COL22A1: variants seen among roughly 807,000 people sequenced by gnomAD.
COL22A1 encodes collagen alpha-1(XXII) chain.
Under a neutral mutation model 248.9 loss-of-function variants are expected in COL22A1, and 221 were observed. That is an observed-to-expected ratio of 0.89 (90% CI 0.80 to 0.99). The LOEUF is 0.99. COL22A1 is among the 50% of genes least tolerant of loss of function. COL22A1 has a pLI of 0.00. For missense variants in COL22A1, 2,240 were observed against 2,179.0 expected, an observed-to-expected ratio of 1.03 and a Z score of -0.56; for synonymous variants, 891 against 793.4, an observed-to-expected ratio of 1.12 and a Z score of -2.07.
At chr8:138,836,771 CCAGT>C (rs1378439216) in intron 4 of COL22A1, among the ~76,000 whole-genome samples, 1 of 152,126 alleles carries the variant, frequency 6.6e-6, no homozygotes, top group Non-Finnish European at 1.5e-5. Context: ...GGGAAGAGTC[CCAGT>C]CAAACTGCAT....
intron 32 of COL22A1, among the ~76,000 whole-genome samples, chr8:138,697,966 T>C (rs1216760927): frequency 1.3e-5 from 2 of 152,170 alleles, no homozygotes; most frequent in African/African-American, 4.8e-5. Context: ...CCCGCAGCAA[T>C]GCAGAGCCTG....
chr8:138,779,196 A>G (rs1477441354), intron 14 of COL22A1, among the ~76,000 whole-genome samples: 1 of 152,238 alleles, frequency 6.6e-6, no homozygotes, highest in African/African-American at 2.4e-5. Flanking sequence ...CAATATATCC[A>G]TGTATGATTG....
At chr8:138,609,353 A>G (rs1818679351) in intron 56 of COL22A1, among the ~76,000 whole-genome samples, 1 of 152,182 alleles carries the variant, frequency 6.6e-6, no homozygotes, top group Non-Finnish European at 1.5e-5. Context: ...CTTATGGGTC[A>G]GCGATCATAA....
intron 22 of COL22A1, among the ~76,000 whole-genome samples, chr8:138,744,943 T>G (rs1283880182): frequency 2.6e-5 from 4 of 152,148 alleles, no homozygotes; most frequent in Non-Finnish European, 5.9e-5. Flanking sequence ...CCTCATCTAT[T>G]GATGACAGGG....
intron 18 of COL22A1, among the ~76,000 whole-genome samples, chr8:138,759,784 C>G (rs1366269121): frequency 1.3e-5 from 2 of 151,978 alleles, no homozygotes; most frequent in African/African-American, 4.8e-5. Context: ...TTTCAAATAC[C>G]TAGGGCATTT....
intron 3 of COL22A1, among the ~76,000 whole-genome samples, chr8:138,845,767 C>A (rs1821199855): frequency 6.6e-6 from 1 of 152,034 alleles, no homozygotes; most frequent in South Asian, 2.1e-4. Context: ...GAGGATTGGG[C>A]AAGATTATGC....
intron 6 of COL22A1, among the ~76,000 whole-genome samples, 158 bp downstream of exon 6, chr8:138,826,500 C>A (rs1018953613): frequency 3.3e-5 from 5 of 152,110 alleles, no homozygotes; most frequent in Non-Finnish European, 4.4e-5. Flanking sequence ...CTCATGACAT[C>A]CCCCCTGCAG....
intron 12 of COL22A1, among the ~76,000 whole-genome samples, chr8:138,794,785 A>C (rs2131596252): frequency 6.6e-6 from 1 of 152,332 alleles, no homozygotes; most frequent in Non-Finnish European, 1.5e-5. Flanking sequence ...GGAGGACATT[A>C]TGCTAACTGA....
chr8:138,737,632 G>A, intron 22 of COL22A1, 55 bp from the exon 23 acceptor site: 1 of 1,208,616 alleles, frequency 8.3e-7, no homozygotes, highest in Non-Finnish European at 1.2e-6. Context: ...CAACCAGAGG[G>A]GGTTTAATAA....
At chr8:138,613,250 A>G (rs980871980) in intron 56 of COL22A1, among the ~76,000 whole-genome samples, 8 of 148,936 alleles carry the variant, frequency 5.4e-5, no homozygotes, top group South Asian at 2.1e-4. Flanking sequence ...TCCGTTTCAA[A>G]AAAAAAAAAA....
chr8:138,769,472 C>T (rs565430434), intron 16 of COL22A1, among the ~76,000 whole-genome samples: 1 of 152,278 alleles, frequency 6.6e-6, no homozygotes, highest in South Asian at 2.1e-4. Flanking sequence ...CCCTGGCTGC[C>T]CCCACCCAGA....
At chr8:138,709,215 T>C (rs1828740893) in intron 30 of COL22A1, among the ~76,000 whole-genome samples, 1 of 152,194 alleles carries the variant, frequency 6.6e-6, no homozygotes, top group African/African-American at 2.4e-5. Flanking sequence ...TCAACCATTG[T>C]GGAAGACAGT....
intron 41 of COL22A1, among the ~76,000 whole-genome samples, chr8:138,674,698 A>G (rs1177520361): frequency 2.0e-5 from 3 of 152,134 alleles, no homozygotes; most frequent in African/African-American, 4.8e-5. Flanking sequence ...ATCTGCAGGG[A>G]GTAGACAGGG....
chr8:138,847,220 G>A (rs560602617), intron 3 of COL22A1, among the ~76,000 whole-genome samples: 2 of 152,280 alleles, frequency 1.3e-5, no homozygotes, highest in Admixed American at 1.3e-4. Context: ...ACCCATAACA[G>A]GCCTTCAGCT....
At chr8:138,690,697 T>A (rs995046334) in intron 36 of COL22A1, 124 bp downstream of exon 36, 2 of 717,906 alleles carry the variant, frequency 2.8e-6, no homozygotes, top group East Asian at 3.1e-5. Context: ...AGTGTCTCCG[T>A]CTGGAAAATG....
intron 32 of COL22A1, among the ~76,000 whole-genome samples, chr8:138,697,519 T>C (rs1222387838): frequency 1.1e-4 from 16 of 152,276 alleles, no homozygotes; most frequent in Admixed American, 1.0e-3. Context: ...CCCAGGGATA[T>C]GCACACCATC....
chr8:138,669,525 T>C (rs1435047112), intron 41 of COL22A1, among the ~76,000 whole-genome samples: 1 of 152,176 alleles, frequency 6.6e-6, no homozygotes, highest in African/African-American at 2.4e-5. Flanking sequence ...GCAGAGGCTG[T>C]CTTCTCGCTT....
intron 56 of COL22A1, among the ~76,000 whole-genome samples, chr8:138,611,498 T>A (rs1818861523): frequency 6.6e-6 from 1 of 152,000 alleles, no homozygotes; most frequent in Admixed American, 6.6e-5. Context: ...TGGAGCAGGG[T>A]TTCTCAAATT....
intron 22 of COL22A1, among the ~76,000 whole-genome samples, chr8:138,746,611 C>G (rs1424874351): frequency 6.6e-6 from 1 of 152,238 alleles, no homozygotes; most frequent in Non-Finnish European, 1.5e-5. Context: ...AACCCACTTG[C>G]TCATCGTCCT....
Sources: gnomAD v4.1 joint callset for allele counts (sites outside exome capture counted in the v4.1 genomes callset) on GRCh38, gnomAD v4.1.1 for gene constraint, MANE v1.5 for transcripts, NCBI Gene and HGNC (gene_info 2026-07-23, HGNC 2026-07-21) for gene names.